MICAL2: variants seen among roughly 807,000 people sequenced by gnomAD.
MICAL2 encodes microtubule associated monooxygenase, calponin and LIM domain containing 2.
MICAL2 carries 77 observed loss-of-function variants against 127.3 expected under a neutral mutation model. The observed-to-expected ratio is 0.60, with a 90% confidence interval of 0.50 to 0.73. The LOEUF (loss-of-function observed/expected upper bound fraction) is 0.73. Among genes scored for constraint, MICAL2 ranks in the 30% least tolerant of loss-of-function variants. The pLI is 0.00. For missense variants in MICAL2, 1,351 were observed against 1,434.4 expected (o/e 0.94, Z 0.94); for synonymous variants, 570 against 551.1 (o/e 1.03, Z -0.48).
intron 32 of MICAL2, among the ~76,000 whole-genome samples, chr11:12,329,184 C>T (rs536852481): frequency 6.2e-4 from 94 of 152,250 alleles, no homozygotes; most frequent in Non-Finnish European, 1.1e-3. Flanking sequence ...CACTGGATTT[C>T]CTTGCAAAGA....
intron 30 of MICAL2, among the ~76,000 whole-genome samples, chr11:12,322,098 G>A (rs1236682213): frequency 3.3e-5 from 5 of 151,986 alleles, no homozygotes; most frequent in African/African-American, 1.2e-4. Flanking sequence ...TACCTATAAT[G>A]TAAGTGCAAT....
At chr11:12,335,828 C>G (rs1335432154) in intron 32 of MICAL2, among the ~76,000 whole-genome samples, 8 of 152,166 alleles carry the variant, frequency 5.3e-5, no homozygotes, top group Non-Finnish European at 1.2e-4. Context: ...TGTTTTGGTA[C>G]CAGTACCATG....
At position 12,176,494 on chromosome 11, in the gene MICAL2, A is replaced by T. The variant is rs577251208; in HGVS notation, c.264+14075A>T. Among the ~76,000 whole-genome samples, 3 of 152,322 alleles carry T rather than the reference A, an allele frequency of 2.0e-5. No homozygotes were observed. In the South Asian group the frequency reaches 6.2e-4, roughly 32 times the overall value. On this transcript the variant is annotated intron_variant, in intron 3 of 27. Coordinates refer to ENST00000683283, the MANE Select transcript of MICAL2 (RefSeq NM_001282663.2). ...GCCTTTTGTGACACAACTTTTTTTA[A>T]CATAAAATTGACCATTTTAACCATC...
intron 32 of MICAL2, among the ~76,000 whole-genome samples, chr11:12,343,020 C>T (rs1347190322): frequency 6.6e-6 from 1 of 152,134 alleles, no homozygotes; most frequent in African/African-American, 2.4e-5. Context: ...TCGTCCTGAA[C>T]CCAATACTTT....
rs1173992818 is a variant in MICAL2, at chr11:12,244,124, G to T, written c.2784+12G>T. 2 of 1,614,040 alleles carry T rather than the reference G, an allele frequency of 1.2e-6. No homozygotes were observed. The highest frequency in any genetic ancestry group is 1.7e-6 in the Non-Finnish European group (2 of 1,180,030). ...CTCCTGCCAGAAAGGTAGTTGTCCT[G>T]AACAATTTGCTTTCCCTATTCCCTG... On this transcript the variant is annotated intron_variant, in intron 21 of 27. Coordinates refer to ENST00000683283, the MANE Select transcript of MICAL2 (RefSeq NM_001282663.2).
chr11:12,145,520 C>A (rs1852805569), intron 2 of MICAL2, among the ~76,000 whole-genome samples: 1 of 152,156 alleles, frequency 6.6e-6, no homozygotes, highest in Non-Finnish European at 1.5e-5. Flanking sequence ...CCTAGCCAAC[C>A]CTAGCTGGCC....
At chr11:12,347,358 A>G (rs921096406) in intron 32 of MICAL2, among the ~76,000 whole-genome samples, 2 of 152,200 alleles carry the variant, frequency 1.3e-5, no homozygotes, top group African/African-American at 4.8e-5. Flanking sequence ...AAGAGTATCT[A>G]ATGATATCCT....
At chr11:12,328,127 C>T (rs1396440210) in intron 32 of MICAL2, among the ~76,000 whole-genome samples, 2 of 152,174 alleles carry the variant, frequency 1.3e-5, no homozygotes, top group Admixed American at 1.3e-4. Context: ...GTAATAGCTT[C>T]AGCTTCTTGG....
At chr11:12,168,038 A>G (rs1456621746) in intron 3 of MICAL2, among the ~76,000 whole-genome samples, 1 of 152,058 alleles carries the variant, frequency 6.6e-6, no homozygotes, top group Admixed American at 6.6e-5. Flanking sequence ...GGGATGGTTC[A>G]CGCCTGTAAC....
At chr11:12,221,822 GATCACCCC>G in intron 10 of MICAL2, 63 bp downstream of exon 10, 1 of 1,350,056 alleles carries the variant, frequency 7.4e-7, no homozygotes, top group South Asian at 1.2e-5. Flanking sequence ...AAGGGGGCAA[GATCACCCC>G]GCAGGTGACT....
chr11:12,262,658 G>A, intron 27 of MICAL2, 121 bp downstream of exon 27: 8 of 847,870 alleles, frequency 9.4e-6, no homozygotes, highest in South Asian at 8.7e-5. Context: ...CATACTGATG[G>A]ACTCATTTGG....
chr11:12,236,340 C>A, intron 16 of MICAL2, 95 bp downstream of exon 16: 1 of 1,119,030 alleles, frequency 8.9e-7, no homozygotes, highest in Admixed American at 1.7e-5. Flanking sequence ...GGCCCTGTTC[C>A]TTCCCTCTCT....
At chr11:12,161,990 A>C (rs951747811) in intron 2 of MICAL2, 89 bp from the exon 3 acceptor site, 19 of 772,228 alleles carry the variant, frequency 2.5e-5, no homozygotes, top group Non-Finnish European at 6.2e-6. Context: ...TGAATGTCTT[A>C]AAGAAATTGC....
chr11:12,223,518 G>T lies in MICAL2; in HGVS notation c.1540+17G>T. ...CCAGGAAGGGTAAGCGGCCCTCCTG[G>T]GACCCTGGTGGGTGGCTGGGAAGAG... On this transcript the variant is annotated intron_variant, in intron 12 of 27. Transcript: ENST00000683283. 1.2e-6 allele frequency: 2 copies of T among 1,608,984 alleles called. No individual in the cohort carries two copies. The highest frequency in any genetic ancestry group is 1.7e-6 in the Non-Finnish European group (2 of 1,176,242).
chr11:12,192,014 G>C (rs1859221662), intron 3 of MICAL2, among the ~76,000 whole-genome samples: 1 of 151,980 alleles, frequency 6.6e-6, no homozygotes, highest in Admixed American at 6.6e-5. Context: ...TGGCCTCTGG[G>C]CTCCCTGAAA....
At chr11:12,173,735 C>T (rs894212656) in intron 3 of MICAL2, among the ~76,000 whole-genome samples, 1 of 152,116 alleles carries the variant, frequency 6.6e-6, no homozygotes, top group African/African-American at 2.4e-5. Context: ...ACCCTCTCAT[C>T]TTTTTGTTTG....
chr11:12,222,523 CT>C, intron 10 of MICAL2, 93 bp from the exon 11 acceptor site: 1 of 1,533,882 alleles, frequency 6.5e-7, no homozygotes. Context: ...CCAGGAAGCC[CT>C]TGAGCCAGAG....
Position 12,118,607 on chromosome 11 carries a change from A to G in MICAL2, c.-149+7881A>G, listed in dbSNP as rs73412247. Among the ~76,000 whole-genome samples, 448 of 152,298 alleles carry G rather than the reference A, an allele frequency of 2.9e-3. 1 individual carries two copies. Among genetic ancestry groups the G allele is most frequent in the African/African-American group, 0.01 (418 of 41,568 alleles). On this transcript the variant is annotated intron_variant, in intron 1 of 27. Transcript: ENST00000683283. ...CCCTTGTGTTCGATTTGGGGGTTCA[A>G]AGAGCCTGGAATCTGAGAATAAACC... is the stretch of plus-strand genomic sequence containing the variant.
intron 32 of MICAL2, among the ~76,000 whole-genome samples, chr11:12,340,630 A>G (rs1938848040): frequency 6.6e-6 from 1 of 152,204 alleles, no homozygotes; most frequent in Non-Finnish European, 1.5e-5. Flanking sequence ...TCTAAGAACA[A>G]CTCAGATATC....
Sources: allele counts gnomAD v4.1 joint callset (sites outside exome capture counted in the v4.1 genomes callset), GRCh38; gene constraint gnomAD v4.1.1; transcripts MANE v1.5; gene names NCBI Gene and HGNC (gene_info 2026-07-23, HGNC 2026-07-21).